COL4A6: variants seen among roughly 807,000 people sequenced by gnomAD.
COL4A6 encodes collagen type IV alpha 6 chain, also known as collagen alpha-6(IV) chain.
A neutral mutation model predicts 126.7 loss-of-function variants in COL4A6; 59 were observed. The ratio of observed to expected loss-of-function variants is 0.47; its 90% CI spans 0.38 to 0.58. COL4A6 has a LOEUF of 0.58. Among genes scored for constraint, COL4A6 ranks in the 20% least tolerant of loss-of-function variants. The pLI is 0.00. For synonymous variants in COL4A6, 547 were observed against 496.6 expected, an observed-to-expected ratio of 1.10 and a Z score of -1.35; for missense variants, 1,285 against 1,337.3, an observed-to-expected ratio of 0.96 and a Z score of 0.61.
intron 23 of COL4A6, among the ~76,000 whole-genome samples, chrX:108,182,574 G>T (rs946342133): frequency 5.3e-5 from 6 of 112,233 alleles, no homozygotes; most frequent in Non-Finnish European, 9.4e-5. Context: ...TGCTCTACAG[G>T]TCAACACTTT....
At chrX:108,194,786 G>A (rs1458393432) in intron 15 of COL4A6, 199 bp from the exon 16 acceptor site, 4 of 452,577 alleles carry the variant, frequency 8.8e-6, no homozygotes, top group African/African-American at 4.9e-5. Flanking sequence ...ATATTAGGAG[G>A]TACAAGGGCC....
intron 2 of COL4A6, chrX:108,383,878 G>A (rs1465572863): frequency 9.9e-6 from 5 of 505,230 alleles, no homozygotes; most frequent in African/African-American, 2.4e-5. Flanking sequence ...GGATCTCAAT[G>A]TTGGAAAAAT....
intron 2 of COL4A6, among the ~76,000 whole-genome samples, chrX:108,413,751 T>G (rs1341814581): frequency 1.8e-5 from 2 of 111,884 alleles, no homozygotes; most frequent in Non-Finnish European, 3.8e-5. Flanking sequence ...TTAGAACTGG[T>G]TTCCCAGCCT....
chrX:108,222,921 G>T (rs749989834), intron 3 of COL4A6, among the ~76,000 whole-genome samples: 1 of 111,785 alleles, frequency 8.9e-6, no homozygotes, highest in South Asian at 3.8e-4. Context: ...AATATAAAAA[G>T]AGCAGTACTT....
At chrX:108,405,593 T>TG (rs1335864601) in intron 2 of COL4A6, among the ~76,000 whole-genome samples, 1 of 111,668 alleles carries the variant, frequency 9.0e-6, no homozygotes, top group African/African-American at 3.3e-5. Flanking sequence ...ATGTTATGCC[T>TG]GGACTCCATT....
At chrX:108,383,780 T>C (rs748644048) in intron 2 of COL4A6, 40 of 515,508 alleles carry the variant, frequency 7.8e-5, no homozygotes, top group Non-Finnish European at 7.8e-5. Flanking sequence ...AGGATTGCTT[T>C]GTATGGAAGT....
intron 2 of COL4A6, among the ~76,000 whole-genome samples, chrX:108,425,561 T>C (rs779705363): frequency 6.4e-5 from 7 of 109,649 alleles, no homozygotes; most frequent in Non-Finnish European, 9.5e-5. Flanking sequence ...GGTGAAACCC[T>C]GTCTCTACTA....
rs2064311075 is a variant in COL4A6, at chrX:108,438,270, G to A, written c.-74C>T. Reference sequence around the variant, plus strand: ...CGCGGCCCGTGCTCATCTGGGCTCTGCTGATGCTTGGAGGCTGTTTCCTTA... The same window carrying A: ...CGCGGCCCGTGCTCATCTGGGCTCTACTGATGCTTGGAGGCTGTTTCCTTA... On this transcript the variant is annotated 5_prime_UTR_variant, in exon 1 of 45. Transcript: ENST00000334504. 2 of 1,137,789 alleles carry A rather than the reference G, an allele frequency of 1.8e-6. No individual in the cohort carries two copies. The allele number at this position is 1,137,789 out of a possible 1,213,427, so 93.8% of individuals were successfully genotyped here.
intron 2 of COL4A6, among the ~76,000 whole-genome samples, chrX:108,418,875 G>A (rs764693956): frequency 2.6e-4 from 29 of 112,299 alleles, no homozygotes; most frequent in Non-Finnish European, 4.5e-4. Context: ...AAAGGTTGGT[G>A]GTACCTGCAG....
At chrX:108,165,225 C>A (rs1468282930) in intron 38 of COL4A6, 145 bp downstream of exon 38, 1 of 745,878 alleles carries the variant, frequency 1.3e-6, no homozygotes, top group Non-Finnish European at 2.1e-6. Context: ...CTCAAGTCCC[C>A]TGTGTCCCCA....
intron 2 of COL4A6, among the ~76,000 whole-genome samples, chrX:108,357,130 A>G (rs767548913): frequency 6.3e-4 from 71 of 111,992 alleles, no homozygotes; most frequent in African/African-American, 2.0e-3. Flanking sequence ...ATATACAAAC[A>G]GACAAATATA....
chrX:108,397,271 T>C (rs940763112), intron 2 of COL4A6, among the ~76,000 whole-genome samples: 5 of 111,845 alleles, frequency 4.5e-5, no homozygotes, highest in Admixed American at 9.5e-5. Context: ...ACCCTAAGCC[T>C]ATTCTACATA....
chrX:108,308,537 G>A (rs1325032328), intron 3 of COL4A6, among the ~76,000 whole-genome samples: 1 of 112,010 alleles, frequency 8.9e-6, no homozygotes, highest in Non-Finnish European at 1.9e-5. Flanking sequence ...TCATCAGTTA[G>A]GAAAGTGGCT....
At chrX:108,324,766 G>A (rs1160418486) in intron 2 of COL4A6, among the ~76,000 whole-genome samples, 3 of 111,635 alleles carry the variant, frequency 2.7e-5, no homozygotes. Context: ...CACAGATGGG[G>A]AAAGATTACA....
At chrX:108,388,337 G>A (rs1049465424) in intron 2 of COL4A6, among the ~76,000 whole-genome samples, 7 of 111,637 alleles carry the variant, frequency 6.3e-5, no homozygotes, top group African/African-American at 2.3e-4. Flanking sequence ...CTGTGAATCC[G>A]TCTGGTCCTG....
chrX:108,433,150 G>A (rs1331799689), intron 2 of COL4A6, among the ~76,000 whole-genome samples: 1 of 112,007 alleles, frequency 8.9e-6, no homozygotes, highest in Non-Finnish European at 1.9e-5. Context: ...AAGTGATTTT[G>A]TTTAAATTCA....
chrX:108,333,751 A>G (rs752929212), intron 2 of COL4A6, among the ~76,000 whole-genome samples: 66 of 111,820 alleles, frequency 5.9e-4, no homozygotes, highest in African/African-American at 1.9e-3. Context: ...GTTTCTGTAC[A>G]CTGATAACAA....
chrX:108,298,794 G>A (rs1428635990), intron 3 of COL4A6, among the ~76,000 whole-genome samples: 14 of 109,753 alleles, frequency 1.3e-4, no homozygotes, highest in African/African-American at 4.6e-4. Flanking sequence ...GACCTTGGAG[G>A]CCTTCAAGTC....
intron 3 of COL4A6, among the ~76,000 whole-genome samples, chrX:108,292,993 C>G (rs932745476): frequency 6.9e-5 from 1 of 14,554 alleles, no homozygotes; most frequent in African/African-American, 2.2e-4. Flanking sequence ...AGGAAAAAAG[C>G]AAAAAAAAAA....
Sources: allele counts gnomAD v4.1 joint callset (sites outside exome capture counted in the v4.1 genomes callset), GRCh38; gene constraint gnomAD v4.1.1; transcripts MANE v1.5; gene names NCBI Gene and HGNC (gene_info 2026-07-23, HGNC 2026-07-21).